AATK: variants seen among roughly 807,000 people sequenced by gnomAD.
AATK encodes the protein lemur tail kinase 1.
In AATK, 91 loss-of-function variants were observed where a neutral mutation model predicts 114.3. That is an observed-to-expected ratio of 0.80 (90% CI 0.67 to 0.95). The LOEUF (loss-of-function observed/expected upper bound fraction) is 0.95. Among genes scored for constraint, AATK ranks in the 40% least tolerant of loss-of-function variants. The pLI is 0.00. For missense variants in AATK, 2,176 were observed against 1,965.2 expected, an observed-to-expected ratio of 1.11 and a Z score of -2.03; for synonymous variants, 1,075 against 916.5, an observed-to-expected ratio of 1.17 and a Z score of -3.12.
chr17:81,155,603 C>T (rs2061351628), intron 1 of AATK, among the ~76,000 whole-genome samples: 2 of 151,922 alleles, frequency 1.3e-5, no homozygotes, highest in African/African-American at 4.8e-5. Context: ...CCAGGCTGGT[C>T]TCGAACTCCT....
rs1482034332 is a variant in AATK at position 81,118,162 on chromosome 17, G to A, written c.*240C>T. Reference sequence around the variant, plus strand: ...CACTGTGGCTCCAGGCGCCCCCAGGGGCTAGCAGCAAGCCTAAAAGCCCAG... The same window carrying A: ...CACTGTGGCTCCAGGCGCCCCCAGGAGCTAGCAGCAAGCCTAAAAGCCCAG... On this transcript the variant is annotated 3_prime_UTR_variant, in exon 14 of 14. Coordinates refer to ENST00000326724, the MANE Select transcript of AATK (RefSeq NM_001080395.3). The A allele has an allele frequency of 2.2e-5, 12 of 554,074 alleles. No individual in the cohort carries two copies. The highest frequency in any genetic ancestry group is 3.9e-5 in the Non-Finnish European group (12 of 309,498). 34.3% of individuals were successfully genotyped at this position (554,074 alleles called of 1,614,324 possible).
At chr17:81,138,751 A>G (rs2061072560) in intron 1 of AATK, among the ~76,000 whole-genome samples, 1 of 146,828 alleles carries the variant, frequency 6.8e-6, no homozygotes, top group African/African-American at 2.5e-5. Context: ...AGATACCAAC[A>G]CGCGCATGCA....
At chr17:81,123,506 C>T (rs2060730303) in intron 9 of AATK, among the ~76,000 whole-genome samples, 163 bp from the exon 10 acceptor site, 4 of 152,214 alleles carry the variant, frequency 2.6e-5, no homozygotes. Flanking sequence ...GACAGCGCGT[C>T]CTTTCAGCAG....
At chr17:81,163,876 A>G (rs946021830) in intron 1 of AATK, among the ~76,000 whole-genome samples, 1 of 152,248 alleles carries the variant, frequency 6.6e-6, no homozygotes, top group African/African-American at 2.4e-5. Context: ...AACTGAGGTG[A>G]GACCCCCATG....
intron 1 of AATK, among the ~76,000 whole-genome samples, chr17:81,136,543 G>C (rs1035751021): frequency 6.6e-6 from 1 of 151,998 alleles, no homozygotes; most frequent in Non-Finnish European, 1.5e-5. Flanking sequence ...CCAGCAGGAC[G>C]CCATCCCATG....
At position 81,118,431 on chromosome 17, in the gene AATK, C is replaced by T. The variant is rs753495455; in HGVS notation, c.4096G>A (p.Gly1366Ser). The change falls in exon 14 of 14, where the codon GGT (glycine) becomes AGT (serine). Residue 1366 changes from glycine (G) to serine (S), a missense_variant. Coordinates refer to ENST00000326724, the MANE Select transcript of AATK (RefSeq NM_001080395.3). ...DAESKRGPEA[G>S]AGGESKEA ...GCCTCTTTACTCTCACCCCCGGCAC[C>T]AGCTTCAGGTCCTGGCAAGCAGGAC... 9.3e-6 allele frequency: 15 copies of T among 1,608,352 alleles called. No homozygotes were observed. The South Asian group carries it at 1.7e-4, about 18-fold the overall frequency.
At chr17:81,153,931 C>G (rs1446040936) in intron 1 of AATK, among the ~76,000 whole-genome samples, 3 of 152,028 alleles carry the variant, frequency 2.0e-5, no homozygotes, top group African/African-American at 7.2e-5. Flanking sequence ...ATTAACCCAG[C>G]GTGGTGGCGG....
chr17:81,141,961 C>CTTCCT (rs2061146672), intron 1 of AATK, among the ~76,000 whole-genome samples: 5 of 84,356 alleles, frequency 5.9e-5, no homozygotes, highest in Non-Finnish European at 1.0e-4. Context: ...CCTTTCCTTC[C>CTTCCT]TTCCTTCCTT....
intron 7 of AATK, chr17:81,125,910 T>C (rs762229473): frequency 2.1e-6 from 1 of 472,436 alleles, no homozygotes; most frequent in Non-Finnish European, 4.4e-6. Flanking sequence ...GATGCTGGAG[T>C]CGCCTGAGTC....
Position 81,121,239 on chromosome 17 carries a change from G to A in AATK, c.2697C>T (p.Thr899=). Residue 899 remains threonine, a synonymous_variant, in exon 11 of 14, where the codon ACC becomes ACT. Coordinates refer to ENST00000326724, the MANE Select transcript of AATK (RefSeq NM_001080395.3). ...TGTCCAGGGAGTCCAGGGAGTCGGG[G>A]GTCCCCACCTGCTTCTGCAGAGAGC... The part of the protein sequence containing the change: ...AFRSLQKQVG[T]PDSLDSLDIP... 6.2e-7 allele frequency: 1 copy of A among 1,607,854 alleles called. No individual in the cohort carries two copies.
intron 2 of AATK, chr17:81,133,156 C>T (rs745975916): frequency 4.3e-6 from 2 of 463,768 alleles, no homozygotes; most frequent in South Asian, 3.1e-5. Flanking sequence ...GGGGCCACAG[C>T]TTTGCCCCCC....
Position 81,165,921 on chromosome 17 carries a change from G to C in AATK, c.55+17C>G. 1.3e-6 allele frequency: 2 copies of C among 1,572,910 alleles called. No homozygotes were observed. Among genetic ancestry groups the C allele is most frequent in the South Asian group, 1.2e-5 (1 of 85,442 alleles). On this transcript the variant is annotated intron_variant, in intron 1 of 13. Transcript: ENST00000326724. ...GAGGGAGGCAGCGGCGCGCAGGCCG[G>C]GCCGCCAGGGACTCACCGGGGTCGA...
In AATK at chr17:81,121,830, G is replaced by A. The variant is rs1028644393; in HGVS notation, c.2106C>T (p.Gly702=). The change falls in exon 11 of 14, where the codon GGC becomes GGT. Residue 702 remains glycine, a synonymous_variant. Transcript: ENST00000326724. ...GACTGGGGCAGCCCTCAGCGTGGCC[G>A]CCCGCAGAGACGGGGTCCCAGGACT... ...CPESWDPVSA[G]GHAEGCPSPK... The A allele has an allele frequency of 1.9e-6, 3 of 1,591,226 alleles. No homozygotes were observed. Among genetic ancestry groups the A allele is most frequent in the South Asian group, 1.1e-5 (1 of 89,718 alleles).
chr17:81,125,099 G>A lies in AATK; in HGVS notation c.756-85C>T, dbSNP rs868253793. Reference sequence around the variant, plus strand: ...GGGGCAGGGGGAGGGTCAGTGGGGTGTGCCGGGCGGGGGCATCCAGCACAG... The same window carrying A: ...GGGGCAGGGGGAGGGTCAGTGGGGTATGCCGGGCGGGGGCATCCAGCACAG... On this transcript the variant is annotated intron_variant, in intron 7 of 13. Transcript: ENST00000326724. 48 of 918,332 alleles carry A rather than the reference G, an allele frequency of 5.2e-5. 1 individual carries two copies. In the Middle Eastern group the frequency reaches 4.1e-3, roughly 78 times the overall value. 56.9% of individuals were successfully genotyped at this position (918,332 alleles called of 1,614,324 possible).
intron 13 of AATK, among the ~76,000 whole-genome samples, 186 bp downstream of exon 13, chr17:81,119,194 G>T (rs879348269): frequency 0.05 from 6,473 of 130,636 alleles, 260 homozygotes; most frequent in South Asian, 0.08. Flanking sequence ...TCAGGTGAGG[G>T]CCAGGCGAGG....
At position 81,123,340 on chromosome 17, in the gene AATK, G is replaced by T; in HGVS notation, c.966C>A (p.Ser322=). The T allele has an allele frequency of 7.3e-7, 1 of 1,367,988 alleles. No homozygotes were observed. The highest frequency in any genetic ancestry group is 9.4e-7 in the Non-Finnish European group (1 of 1,059,762). 84.7% of individuals were successfully genotyped at this position (1,367,988 alleles called of 1,614,324 possible). A position where few individuals can be genotyped will look rare whatever the true frequency, so the allele number is the denominator to read the frequency against. Residue 322 remains serine, a synonymous_variant, in exon 10 of 14, where the codon TCC becomes TCA. Transcript: ENST00000326724. ...VDQTKSGNVW[S]LGVTIWELFE... ...AGAGCTCCCAGATGGTCACGCCCAGGGACCTGTGGGGCGACAGCCGTGAGC... is the reference window on the plus strand; with the variant it reads ...AGAGCTCCCAGATGGTCACGCCCAGTGACCTGTGGGGCGACAGCCGTGAGC...
At chr17:81,165,235 C>T (rs1326015218) in intron 1 of AATK, among the ~76,000 whole-genome samples, 1 of 152,022 alleles carries the variant, frequency 6.6e-6, no homozygotes, top group Non-Finnish European at 1.5e-5. Flanking sequence ...GCCCCCTCTG[C>T]CTATCCCAGC....
chr17:81,165,453 C>T (rs1257152216), intron 1 of AATK: 12 of 372,924 alleles, frequency 3.2e-5, no homozygotes, highest in Non-Finnish European at 5.7e-5. Flanking sequence ...TGTGGACTGG[C>T]CCCTGCTCCC....
At chr17:81,164,881 C>A (rs1407905436) in intron 1 of AATK, among the ~76,000 whole-genome samples, 3 of 152,256 alleles carry the variant, frequency 2.0e-5, no homozygotes, top group African/African-American at 7.2e-5. Flanking sequence ...GCCCAGCAGA[C>A]AGACCTCCCA....
Sources: gnomAD v4.1 joint callset for allele counts (sites outside exome capture counted in the v4.1 genomes callset) on GRCh38, gnomAD v4.1.1 for gene constraint, MANE v1.5 for transcripts, NCBI Gene and HGNC (gene_info 2026-07-23, HGNC 2026-07-21) for gene names.